Variants in AHCYL2 observed in about 807,000 individuals in gnomAD.
AHCYL2 encodes adenosylhomocysteinase like 2, also known as S-adenosylhomocysteine hydrolase-like protein 2.
AHCYL2 carries 28 observed loss-of-function variants against 81.4 expected under a neutral mutation model. The observed-to-expected ratio is 0.34, with a 90% CI of 0.25 to 0.47. The LOEUF (loss-of-function observed/expected upper bound fraction) is 0.47, where lower values mean the gene tolerates loss of function less well. Ranked by LOEUF, AHCYL2 falls within the 20% of genes least tolerant of loss-of-function variation. The pLI is 1.00. For synonymous variants in AHCYL2, 272 were observed against 290.2 expected, an observed-to-expected ratio of 0.94 and a Z score of 0.64; for missense variants, 551 against 785.1, an observed-to-expected ratio of 0.70 and a Z score of 3.56.
chr7:129,225,309 G>A lies in AHCYL2; in HGVS notation c.233G>A (p.Gly78Glu). 1 of 1,480,318 alleles carries A rather than the reference G, an allele frequency of 6.8e-7. No individual in the cohort carries two copies. The highest frequency in any genetic ancestry group is 1.3e-5 in the South Asian group (1 of 78,254). The allele number at this position is 1,480,318 out of a possible 1,614,324, so 91.7% of individuals were successfully genotyped here. ...GCCGCCGCTCTCAGCCCCGCCGCCG[G>A]GAAGGTGCCTCAGGCGTCGGCCATG... ...GPAAALSPAA[G>E]KVPQASAMKR... Residue 78 changes from glycine to glutamate, a missense_variant, in exon 1 of 17, where the codon GGG becomes GAG. Gly to Glu is a moderately conservative substitution (Grantham distance 98). This residue lies in a region of AHCYL2 where 235 missense variants were observed against 242.1 expected (regional missense o/e 0.97). Coordinates refer to ENST00000325006, the MANE Select transcript of AHCYL2 (RefSeq NM_015328.4).
intron 1 of AHCYL2, among the ~76,000 whole-genome samples, chr7:129,359,070 A>AT (rs988688790): frequency 5.9e-5 from 9 of 152,144 alleles, no homozygotes; most frequent in Non-Finnish European, 1.2e-4. Context: ...CAGCAACATT[A>AT]TTTTTTTATA....
intron 1 of AHCYL2, among the ~76,000 whole-genome samples, chr7:129,376,947 T>C (rs569599234): frequency 2.7e-4 from 41 of 152,364 alleles, no homozygotes; most frequent in African/African-American, 9.4e-4. Flanking sequence ...TTCCCTCTTC[T>C]TCCCAGCTCT....
At chr7:129,362,006 G>A (rs1028630220) in intron 1 of AHCYL2, among the ~76,000 whole-genome samples, 2 of 152,118 alleles carry the variant, frequency 1.3e-5, no homozygotes, top group Non-Finnish European at 2.9e-5. Flanking sequence ...TTTGCCTAAG[G>A]TTATGCTGTT....
intron 1 of AHCYL2, among the ~76,000 whole-genome samples, chr7:129,282,945 T>C (rs937137143): frequency 6.6e-6 from 1 of 152,194 alleles, no homozygotes; most frequent in African/African-American, 2.4e-5. Context: ...TGGAATACTC[T>C]ACCTCGTGCC....
At chr7:129,404,331 C>G (rs1047730042) in intron 7 of AHCYL2, among the ~76,000 whole-genome samples, 1 of 151,896 alleles carries the variant, frequency 6.6e-6, no homozygotes, top group Non-Finnish European at 1.5e-5. Context: ...TTTCTGTGAT[C>G]ATTTCTATGA....
intron 1 of AHCYL2, among the ~76,000 whole-genome samples, chr7:129,247,022 T>G (rs1216705189): frequency 6.6e-6 from 1 of 152,262 alleles, no homozygotes; most frequent in Admixed American, 6.5e-5. Flanking sequence ...AATGCAGTTA[T>G]GATCAATTAT....
In AHCYL2 at chr7:129,331,868, A is replaced by T. The variant is rs141104511; in HGVS notation, c.364-47770A>T. On this transcript the variant is annotated intron_variant, in intron 1 of 16. Coordinates refer to ENST00000325006, the MANE Select transcript of AHCYL2 (RefSeq NM_015328.4). ...AAAAAAAATTTTAATTTAATTAAAA[A>T]ATATATATATATATAATTTAATCCT... 5.9e-3 allele frequency among the ~76,000 whole-genome samples: 887 copies of T among 150,230 alleles called. 12 individuals carry two copies. Among genetic ancestry groups the T allele is most frequent in the African/African-American group, 0.02 (827 of 41,220 alleles).
chr7:129,244,301 G>A (rs1328010842), intron 1 of AHCYL2, among the ~76,000 whole-genome samples: 2 of 151,956 alleles, frequency 1.3e-5, no homozygotes, highest in African/African-American at 2.4e-5. Flanking sequence ...ACTGTGCCTG[G>A]CCTTATTTTA....
chr7:129,312,984 C>T (rs913778619), intron 1 of AHCYL2, among the ~76,000 whole-genome samples: 1 of 152,216 alleles, frequency 6.6e-6, no homozygotes, highest in African/African-American at 2.4e-5. Context: ...TTTTACCCTG[C>T]AGTACTTTTT....
rs1363640042 is a variant in AHCYL2 at position 129,429,928 on chromosome 7, T to G, written c.*2883T>G. The G allele has an allele frequency of 1.3e-5, 2 of 152,436 alleles. No homozygotes were observed. Among genetic ancestry groups the G allele is most frequent in the East Asian group, 3.9e-4 (2 of 5,192 alleles). The allele number at this position is 152,436 out of a possible 1,614,324, so 9.4% of individuals were successfully genotyped here. A position where few individuals can be genotyped will look rare whatever the true frequency, so the allele number is the denominator to read the frequency against. On this transcript the variant is annotated 3_prime_UTR_variant, in exon 17 of 17. Coordinates refer to ENST00000325006, the MANE Select transcript of AHCYL2 (RefSeq NM_015328.4). ...TTAAAAAGGAATCAAAATGCATTGT[T>G]GCATTAAGCTTTTTCAATAAAGGAA...
At chr7:129,323,996 G>T (rs1182035754) in intron 1 of AHCYL2, among the ~76,000 whole-genome samples, 1 of 150,936 alleles carries the variant, frequency 6.6e-6, no homozygotes, top group African/African-American at 2.4e-5. Flanking sequence ...TCAGACTCTC[G>T]AGTAGCTGGG....
Position 129,225,139 on chromosome 7 carries a change from CCTG to C in AHCYL2, c.64_66del (p.Leu22del). On this transcript the variant is annotated inframe_deletion, in exon 1 of 17. Transcript: ENST00000325006. ...AGGTGCCTGAGGTGGAGCTGAAGGA[CCTG>C]AGCCCCTCCGAGGCGGAGTCGCAAC... 6.2e-7 allele frequency: 1 copy of C among 1,602,820 alleles called. No homozygotes were observed. Among genetic ancestry groups the C allele is most frequent in the South Asian group, 1.1e-5 (1 of 89,256 alleles).
intron 4 of AHCYL2, among the ~76,000 whole-genome samples, chr7:129,393,799 GGCACTAAT>G (rs1795581011): frequency 6.6e-6 from 1 of 152,064 alleles, no homozygotes; most frequent in Non-Finnish European, 1.5e-5. Context: ...AGTGGATCTG[GGCACTAAT>G]GTGCTCTTTG....
intron 1 of AHCYL2, among the ~76,000 whole-genome samples, chr7:129,292,094 G>T (rs998300516): frequency 6.6e-6 from 1 of 152,066 alleles, no homozygotes; most frequent in Non-Finnish European, 1.5e-5. Context: ...AAAAAAATTA[G>T]AATTCATAGA....
At chr7:129,424,785 GA>G in intron 13 of AHCYL2, 88 bp from the exon 14 acceptor site, 1 of 1,406,694 alleles carries the variant, frequency 7.1e-7, no homozygotes, top group Non-Finnish European at 1.0e-6. Flanking sequence ...GAAGTGTTTG[GA>G]AAATGGTGGT....
At chr7:129,272,137 A>G (rs1796042465) in intron 1 of AHCYL2, among the ~76,000 whole-genome samples, 1 of 152,230 alleles carries the variant, frequency 6.6e-6, no homozygotes, top group African/African-American at 2.4e-5. Flanking sequence ...CCTAGCTGCC[A>G]TGCTGTGAGG....
At chr7:129,272,808 G>A (rs2150730342) in intron 1 of AHCYL2, among the ~76,000 whole-genome samples, 1 of 152,248 alleles carries the variant, frequency 6.6e-6, no homozygotes, top group South Asian at 2.1e-4. Flanking sequence ...TTTTAAAACA[G>A]AACTTAGAGG....
intron 1 of AHCYL2, among the ~76,000 whole-genome samples, chr7:129,353,472 C>T (rs1369490095): frequency 6.6e-6 from 1 of 151,986 alleles, no homozygotes; most frequent in Non-Finnish European, 1.5e-5. Flanking sequence ...ATTATTCTAT[C>T]TAAGGTAGTT....
rs1243345207 is a variant in AHCYL2 at position 129,406,296 on chromosome 7, A to T, written c.1207-82A>T. 1.6e-6 allele frequency: 2 copies of T among 1,230,028 alleles called. No individual in the cohort carries two copies. The highest frequency in any genetic ancestry group is 2.3e-5 in the East Asian group (1 of 42,864). 76.2% of individuals were successfully genotyped at this position (1,230,028 alleles called of 1,614,324 possible). On this transcript the variant is annotated intron_variant, in intron 9 of 16. Transcript: ENST00000325006. This position sits in a 1 kb window ranked among gnomAD's most constrained non-coding sequence, Gnocchi z 4.3. ...TGAAATTCCTCTCGGGGGTGGAAAG[A>T]GGGGGTGCACTTTACCAGAAGCTTT... is the stretch of plus-strand genomic sequence containing the variant.
Sources: gnomAD v4.1 joint callset for allele counts (sites outside exome capture counted in the v4.1 genomes callset) on GRCh38, gnomAD v4.1.1 for gene constraint, gnomAD v4.1.1 regional missense constraint, Gnocchi (gnomAD v3.1) non-coding constraint, MANE v1.5 for transcripts, NCBI Gene and HGNC (gene_info 2026-07-23, HGNC 2026-07-21) for gene names.